NUCB2: variants seen among roughly 807,000 people sequenced by gnomAD.
The protein encoded by NUCB2 is nucleobindin 2.
A neutral mutation model predicts 57.9 loss-of-function variants in NUCB2; 48 were observed. That is an observed-to-expected ratio of 0.83 (90% CI 0.66 to 1.05). NUCB2 has a LOEUF of 1.05. Among genes scored for constraint, NUCB2 ranks in the 50% least tolerant of loss-of-function variants. The pLI, the probability that NUCB2 is intolerant of heterozygous loss-of-function variation, is 0.00. For synonymous variants in NUCB2, 139 were observed against 152.1 expected (o/e 0.91, Z 0.64); for missense variants, 442 against 476.2 (o/e 0.93, Z 0.67).
At chr11:17,312,158 T>C in intron 10 of NUCB2, 38 bp downstream of exon 10, 1 of 969,668 alleles carries the variant, frequency 1.0e-6, no homozygotes, top group Non-Finnish European at 1.6e-6. Context: ...GTTATTTCTA[T>C]GTATTATTTA....
rs557878144 is a variant in NUCB2 at position 17,285,701 on chromosome 11, G to A, written c.-1+2758G>A. Among the ~76,000 whole-genome samples the A allele has an allele frequency of 6.6e-3, 873 of 132,020 alleles. 10 individuals are homozygous for A. The highest frequency in any genetic ancestry group is 0.024 in the African/African-American group (814 of 34,128). The allele number at this position is 132,020 out of a possible 152,430, so 86.6% of individuals were successfully genotyped here. On this transcript the variant is annotated intron_variant, in intron 2 of 13. Coordinates refer to ENST00000529010, the MANE Select transcript of NUCB2 (RefSeq NM_005013.4). Reference sequence around the variant, plus strand: ...GGAGTTTGCAGTGAGCCAAGATCGCGCCACTGCACTCCAGCCTGGGTGACA... The same window carrying A: ...GGAGTTTGCAGTGAGCCAAGATCGCACCACTGCACTCCAGCCTGGGTGACA...
chr11:17,342,754 AGGTGT>A (rs1332917282), intron 2 of NUCB2, among the ~76,000 whole-genome samples: 2 of 148,880 alleles, frequency 1.3e-5, no homozygotes, highest in African/African-American at 4.9e-5. Context: ...ATTTTGGAAT[AGGTGT>A]GGTGTGGTGC....
downstream of NUCB2, chr11:17,333,067 T>C (rs565627461): frequency 1.3e-5 from 2 of 152,270 alleles, no homozygotes; most frequent in Admixed American, 1.3e-4. Flanking sequence ...TGGCCACTGA[T>C]CCATAGCAAT....
intron 5 of NUCB2, among the ~76,000 whole-genome samples, chr11:17,307,786 G>A (rs1446260184): frequency 1.3e-5 from 2 of 151,904 alleles, no homozygotes; most frequent in African/African-American, 4.8e-5. Flanking sequence ...CCCCACAGTG[G>A]AATTGCCAAA....
intron 11 of NUCB2, among the ~76,000 whole-genome samples, chr11:17,328,503 C>G (rs2139414070): frequency 6.6e-6 from 1 of 152,296 alleles, no homozygotes; most frequent in East Asian, 1.9e-4. Flanking sequence ...TAAGCTGACA[C>G]TCAAATCACA....
At chr11:17,321,617 G>T (rs528630307) in intron 11 of NUCB2, among the ~76,000 whole-genome samples, 60 of 152,152 alleles carry the variant, frequency 3.9e-4, no homozygotes, top group African/African-American at 1.3e-3. Context: ...GGTTAAGATT[G>T]CATTAAGATT....
rs185665472 is a variant in NUCB2 at position 17,313,846 on chromosome 11, C to G, written c.913-1540C>G. Reference sequence around the variant, plus strand: ...CATTGCCCTGGGCCCATCCCTTGGCCGTGTTCTCCTTTCTCGCTTCGTTCT... The same window carrying G: ...CATTGCCCTGGGCCCATCCCTTGGCGGTGTTCTCCTTTCTCGCTTCGTTCT... On this transcript the variant is annotated intron_variant, in intron 10 of 13. Coordinates refer to ENST00000529010, the MANE Select transcript of NUCB2 (RefSeq NM_005013.4). Among the ~76,000 whole-genome samples, 171 of 152,180 alleles carry G rather than the reference C, an allele frequency of 1.1e-3. 1 individual carries two copies. The highest frequency in any genetic ancestry group is 0.01 in the Middle Eastern group (3 of 294).
At chr11:17,342,529 T>C (rs1216436501) in intron 2 of NUCB2, among the ~76,000 whole-genome samples, 1 of 151,442 alleles carries the variant, frequency 6.6e-6, no homozygotes, top group African/African-American at 2.4e-5. Context: ...TTCTTGTTGG[T>C]TTCAAAGAAC....
At chr11:17,331,272 A>G in intron 13 of NUCB2, 140 bp from the exon 14 acceptor site, 1 of 515,964 alleles carries the variant, frequency 1.9e-6, no homozygotes, top group Non-Finnish European at 3.4e-6. Context: ...TATTAATCTT[A>G]CCAGAGAATA....
At chr11:17,348,319 GTTTTTTTTTTTTTTTTT>G (rs55741571) in intron 2 of NUCB2, among the ~76,000 whole-genome samples, 21 of 84,470 alleles carry the variant, frequency 2.5e-4, no homozygotes, top group African/African-American at 9.0e-4. Flanking sequence ...TTGTTTTTGT[GTTTTTTTTTTTTTTTTT>G]TTTTTTTTTT....
chr11:17,336,753 C>CAAAAAAAA (rs71047542), downstream of NUCB2, among the ~76,000 whole-genome samples: 5 of 47,428 alleles, frequency 1.1e-4, no homozygotes, highest in African/African-American at 1.9e-4. Flanking sequence ...GACTCCGTCT[C>CAAAAAAAA]AAAAAAAAAA....
intron 2 of NUCB2, among the ~76,000 whole-genome samples, chr11:17,294,668 C>T (rs949917592): frequency 3.1e-4 from 37 of 119,948 alleles, no homozygotes; most frequent in Admixed American, 1.2e-3. Context: ...GTGGGTAAAA[C>T]GTGTTGCCTT....
At chr11:17,286,735 C>G (rs188880380) in intron 2 of NUCB2, 34 of 152,292 alleles carry the variant, frequency 2.2e-4, no homozygotes, top group African/African-American at 7.5e-4. Flanking sequence ...CTCCTTCTTC[C>G]TATTGCCTGT....
At chr11:17,347,060 G>T (rs1012158293) in intron 2 of NUCB2, among the ~76,000 whole-genome samples, 1 of 152,220 alleles carries the variant, frequency 6.6e-6, no homozygotes, top group African/African-American at 2.4e-5. Flanking sequence ...GCCCAAGGTG[G>T]TCGGGGCACA....
At position 17,330,152 on chromosome 11, in the gene NUCB2, C is replaced by G. The variant is rs1172178300; in HGVS notation, c.1028C>G (p.Thr343Arg). ...WETLDQQQFF[T>R]EEELKEYENI... Reference sequence around the variant, plus strand: ...ACATTAGATCAGCAACAGTTCTTCACAGAGGAAGAACTAAAAGAATATGAA... The same window carrying G: ...ACATTAGATCAGCAACAGTTCTTCAGAGAGGAAGAACTAAAAGAATATGAA... Residue 343 changes from threonine (T) to arginine (R), a missense_variant, in exon 12 of 14, where the codon ACA becomes AGA. Coordinates refer to ENST00000529010, the MANE Select transcript of NUCB2 (RefSeq NM_005013.4). The surrounding 1 kb of genome is among the most constrained non-coding windows in gnomAD (Gnocchi z 4.3). 6.5e-7 allele frequency: 1 copy of G among 1,540,660 alleles called. No individual in the cohort carries two copies. The highest frequency in any genetic ancestry group is 8.9e-7 in the Non-Finnish European group (1 of 1,124,302).
At chr11:17,342,039 T>A (rs1052830588) in intron 2 of NUCB2, among the ~76,000 whole-genome samples, 3 of 152,192 alleles carry the variant, frequency 2.0e-5, no homozygotes, top group Non-Finnish European at 4.4e-5. Flanking sequence ...CTGGGTTTAG[T>A]CTTGGGAGGG....
intron 11 of NUCB2, among the ~76,000 whole-genome samples, chr11:17,326,117 C>T (rs1216193913): frequency 2.6e-5 from 4 of 151,700 alleles, no homozygotes; most frequent in Non-Finnish European, 5.9e-5. Flanking sequence ...TCTCATGCCT[C>T]AGCCTCCCAA....
chr11:17,281,504 A>G (rs1942560018), intron 1 of NUCB2, among the ~76,000 whole-genome samples: 1 of 152,174 alleles, frequency 6.6e-6, no homozygotes, highest in Non-Finnish European at 1.5e-5. Flanking sequence ...CAAGACAAGA[A>G]GGGCATTAAT....
chr11:17,331,120 A>G, intron 13 of NUCB2, 137 bp downstream of exon 13: 1 of 693,218 alleles, frequency 1.4e-6, no homozygotes, highest in South Asian at 2.4e-5. Flanking sequence ...TATTAGAGCA[A>G]TTTAGATTAT....
Sources: gnomAD v4.1 joint callset for allele counts (sites outside exome capture counted in the v4.1 genomes callset) on GRCh38, gnomAD v4.1.1 for gene constraint, Gnocchi (gnomAD v3.1) non-coding constraint, MANE v1.5 for transcripts, NCBI Gene and HGNC (gene_info 2026-07-23, HGNC 2026-07-21) for gene names.